Variants in FRMD4A observed in about 807,000 individuals in gnomAD.
FRMD4A encodes the protein FERM domain containing 4A, also known as FERM domain-containing protein 4A.
FRMD4A carries 29 observed loss-of-function variants against 129.1 expected under a neutral mutation model. The ratio of observed to expected loss-of-function variants is 0.22; its 90% CI spans 0.17 to 0.31. The LOEUF (loss-of-function observed/expected upper bound fraction) is 0.31, where lower values mean the gene tolerates loss of function less well. FRMD4A is among the 10% of genes least tolerant of loss of function. FRMD4A has a pLI of 1.00. For synonymous variants in FRMD4A, 634 were observed against 571.6 expected (o/e 1.11, Z -1.56); for missense variants, 1,272 against 1,375.8 (o/e 0.92, Z 1.19).
intron 3 of FRMD4A, among the ~76,000 whole-genome samples, chr10:13,840,541 C>A (rs1471667002): frequency 1.3e-5 from 2 of 151,718 alleles, no homozygotes; most frequent in Non-Finnish European, 2.9e-5. Context: ...GTAATCCCAG[C>A]ACTTTGGGAG....
intron 2 of FRMD4A, among the ~76,000 whole-genome samples, chr10:14,056,282 T>C (rs1439080921): frequency 2.0e-5 from 3 of 152,188 alleles, no homozygotes; most frequent in Admixed American, 6.5e-5. Flanking sequence ...TATGCCCGCC[T>C]CAGCCTCCTA....
intron 2 of FRMD4A, among the ~76,000 whole-genome samples, chr10:14,113,536 T>C (rs1838037750): frequency 6.6e-6 from 1 of 152,190 alleles, no homozygotes; most frequent in South Asian, 2.1e-4. Flanking sequence ...AGATCAACAG[T>C]AGACTATTAG....
At position 13,955,769 on chromosome 10, in the gene FRMD4A, T is replaced by C. The variant is rs937189023; in HGVS notation, c.46-96857A>G. 7.2e-5 allele frequency among the ~76,000 whole-genome samples: 11 copies of C among 152,338 alleles called. No homozygotes were observed. In the South Asian group the frequency reaches 2.1e-3, roughly 29 times the overall value. ...TAAAGGCCCTAAAGAGAAACTGTGT[T>C]CCATATGTGGAGATAACCAGCCTTC... On this transcript the variant is annotated intron_variant, in intron 2 of 24. Transcript: ENST00000357447.
intron 2 of FRMD4A, among the ~76,000 whole-genome samples, chr10:14,128,383 C>G (rs1839043542): frequency 6.6e-6 from 1 of 152,124 alleles, no homozygotes; most frequent in Non-Finnish European, 1.5e-5. Flanking sequence ...GGATTAGAGG[C>G]ATGAGCCACC....
intron 2 of FRMD4A, among the ~76,000 whole-genome samples, chr10:14,237,705 C>G (rs1371937476): frequency 6.6e-6 from 1 of 152,172 alleles, no homozygotes; most frequent in Non-Finnish European, 1.5e-5. Flanking sequence ...TGCTACACAG[C>G]TGTTGCTAGG....
intron 6 of FRMD4A, among the ~76,000 whole-genome samples, chr10:13,777,334 G>T (rs2092618676): frequency 1.2e-5 from 1 of 80,274 alleles, no homozygotes; most frequent in Non-Finnish European, 2.7e-5. Flanking sequence ...AAATATCATA[G>T]TATATATAAA....
intron 2 of FRMD4A, among the ~76,000 whole-genome samples, chr10:14,215,462 A>G (rs555440651): frequency 3.3e-5 from 5 of 152,350 alleles, no homozygotes; most frequent in African/African-American, 1.2e-4. Flanking sequence ...TTGCCAAATC[A>G]TTCAAGAATG....
intron 2 of FRMD4A, among the ~76,000 whole-genome samples, chr10:13,968,866 T>C (rs1379454383): frequency 6.6e-6 from 1 of 152,102 alleles, no homozygotes; most frequent in East Asian, 1.9e-4. Context: ...GGAGTGAAGT[T>C]TTTCTTGAGC....
intron 2 of FRMD4A, among the ~76,000 whole-genome samples, chr10:14,241,661 GA>G (rs1371833077): frequency 8.9e-6 from 1 of 112,252 alleles, no homozygotes; most frequent in African/African-American, 3.5e-5. Flanking sequence ...AAGCATTGGA[GA>G]GGGATTTGTT....
rs544655552 is a variant in FRMD4A, at chr10:13,671,385, C to T, written c.1252-857G>A. Among the ~76,000 whole-genome samples, 35 of 152,024 alleles carry T rather than the reference C, an allele frequency of 2.3e-4. No homozygotes were observed. The East Asian group carries it at 2.3e-3, about 10-fold the overall frequency. ...AGGAGAATCGCTTGAACCCGGGAGG[C>T]GGAGGTTGCAGTGAGCCAAGATCAT... On this transcript the variant is annotated intron_variant, in intron 16 of 24. Transcript: ENST00000357447.
At chr10:13,658,810 A>G (rs11818230) in intron 21 of FRMD4A, among the ~76,000 whole-genome samples, 11,203 of 148,120 alleles carry the variant, frequency 0.076, 1,231 homozygotes, top group African/African-American at 0.24. Flanking sequence ...TGAACACGGG[A>G]GGCAGAGGTT....
chr10:13,742,351 G>C lies in FRMD4A; in HGVS notation c.549-1774C>G, dbSNP rs544401475. Among the ~76,000 whole-genome samples the C allele has an allele frequency of 1.2e-4, 19 of 152,262 alleles. No homozygotes were observed. The South Asian group carries it at 3.9e-3, about 32-fold the overall frequency. On this transcript the variant is annotated intron_variant, in intron 9 of 24. Coordinates refer to ENST00000357447, the MANE Select transcript of FRMD4A (RefSeq NM_018027.5). ...GCAGAAAGCCCCAACCCCACCTGCT[G>C]AGGTGTGGAGTCGACACCTCGGTCT... is the stretch of plus-strand genomic sequence containing the variant.
chr10:13,732,865 C>A (rs985686288), intron 12 of FRMD4A, among the ~76,000 whole-genome samples: 1 of 152,220 alleles, frequency 6.6e-6, no homozygotes, highest in Non-Finnish European at 1.5e-5. Context: ...TGACCTTCCC[C>A]ATGTCTGAGT....
At chr10:13,814,580 CAAAAAAAAAAAAAAA>C (rs553044764) in intron 3 of FRMD4A, among the ~76,000 whole-genome samples, 1 of 41,392 alleles carries the variant, frequency 2.4e-5, no homozygotes, top group South Asian at 1.2e-3. Context: ...GACCCTGTTT[CAAAAAAAAAAAAAAA>C]AAAAAAAAAA....
rs1341607281 is a variant in FRMD4A, at chr10:13,644,822, G to T, written c.*2216C>A. 6.6e-6 allele frequency: 1 copy of T among 152,032 alleles called. No individual in the cohort carries two copies. The highest frequency in any genetic ancestry group is 6.6e-5 in the Admixed American group (1 of 15,264). 9.4% of individuals were successfully genotyped at this position (152,032 alleles called of 1,614,324 possible). A position where few individuals can be genotyped will look rare whatever the true frequency, so the allele number is the denominator to read the frequency against. ...GAAAAAAAAAAAATCACTGTTCTTT[G>T]TAGCTCTAACCATGAAAGTAAAAGC... On this transcript the variant is annotated 3_prime_UTR_variant, in exon 25 of 25. Coordinates refer to ENST00000357447, the MANE Select transcript of FRMD4A (RefSeq NM_018027.5).
chr10:14,258,242 A>G (rs552670817), intron 2 of FRMD4A, among the ~76,000 whole-genome samples: 9 of 151,334 alleles, frequency 5.9e-5, no homozygotes, highest in Admixed American at 5.2e-4. Flanking sequence ...AATATTATTT[A>G]TTATATTACA....
chr10:14,034,131 C>G (rs917004875), intron 2 of FRMD4A, among the ~76,000 whole-genome samples: 2 of 152,184 alleles, frequency 1.3e-5, no homozygotes, highest in African/African-American at 4.8e-5. Flanking sequence ...CTATTTGGTC[C>G]CTAGGGTCCC....
chr10:14,048,006 T>C (rs939109537), intron 2 of FRMD4A, among the ~76,000 whole-genome samples: 2 of 152,206 alleles, frequency 1.3e-5, no homozygotes, highest in Non-Finnish European at 2.9e-5. Context: ...GCCCAGCACA[T>C]AGTCACTCAA....
chr10:13,796,360 G>A, intron 5 of FRMD4A, 136 bp downstream of exon 5: 1 of 658,326 alleles, frequency 1.5e-6, no homozygotes, highest in South Asian at 1.7e-5. Flanking sequence ...GAGGCATGCA[G>A]CTCTACTACA....
Sources: allele counts gnomAD v4.1 joint callset (sites outside exome capture counted in the v4.1 genomes callset), GRCh38; gene constraint gnomAD v4.1.1; transcripts MANE v1.5; gene names NCBI Gene and HGNC (gene_info 2026-07-23, HGNC 2026-07-21).